SYP: variants seen among roughly 807,000 people sequenced by gnomAD.
The protein encoded by SYP is synaptophysin, also known as major synaptic vesicle protein P38.
SYP carries 2 observed loss-of-function variants against 24.3 expected under a neutral mutation model. That is an observed-to-expected ratio of 0.08 (90% CI 0.03 to 0.26). The LOEUF is 0.26. Ranked by LOEUF, SYP falls within the 10% of genes least tolerant of loss-of-function variation. The pLI is 1.00. For synonymous variants in SYP, 143 were observed against 123.2 expected, an observed-to-expected ratio of 1.16 and a Z score of -1.07; for missense variants, 216 against 266.3, an observed-to-expected ratio of 0.81 and a Z score of 1.32.
At chrX:49,198,091 G>C (rs1243327805) in intron 2 of SYP, 2 of 404,056 alleles carry the variant, frequency 4.9e-6, no homozygotes, top group African/African-American at 5.1e-5. Flanking sequence ...TTCTCTGTTT[G>C]TCTCTGTTGT....
At chrX:49,191,175 A>C in intron 6 of SYP, 1 of 415,721 alleles carries the variant, frequency 2.4e-6, no homozygotes, top group East Asian at 4.0e-5. Context: ...CTTTCCGCCG[A>C]GTTGCCCTTC....
intron 1 of SYP, chrX:49,199,317 C>T (rs1026804941): frequency 4.3e-5 from 10 of 231,575 alleles, no homozygotes; most frequent in African/African-American, 3.9e-4. Context: ...AACGTAAAGG[C>T]GAGTCGGATG....
In SYP at chrX:49,191,595, A is replaced by T; in HGVS notation, c.784T>A (p.Tyr262Asn). Reference protein sequence around the residue: ...DAGYGQGPGGYGPQDSYGPQG... With the variant: ...DAGYGQGPGGNGPQDSYGPQG... The stretch of plus-strand genomic sequence containing the variant: ...GGCCCGTAGGAATCCTGGGGCCCGT[A>T]CCCGCCGGGGCCCTGCCCGTAGCCT... The change falls in exon 6 of 7, where the codon TAC becomes AAC. Residue 262 changes from tyrosine to asparagine, a missense_variant. Physicochemically the swap from Tyr to Asn is moderately radical, Grantham distance 143. Transcript: ENST00000263233. 1 of 1,205,410 alleles carries T rather than the reference A, an allele frequency of 8.3e-7. No homozygotes were observed. Among genetic ancestry groups the T allele is most frequent in the Non-Finnish European group, 1.1e-6 (1 of 893,516 alleles).
Position 49,199,040 on chromosome X carries a change from A to G in SYP, c.37-7T>C. 8.3e-7 allele frequency: 1 copy of G among 1,210,165 alleles called. No individual in the cohort carries two copies. Reference sequence around the variant, plus strand: ...ACTGACCCCCAGCCACCAGCTGAGGAGAGAAACAGTGGGGAAGGGGTGGGG... The same window carrying G: ...ACTGACCCCCAGCCACCAGCTGAGGGGAGAAACAGTGGGGAAGGGGTGGGG... On this transcript the variant is annotated splice_polypyrimidine_tract_variant and splice_region_variant and intron_variant, in intron 1 of 6. Transcript: ENST00000263233.
chrX:49,197,619 A>G, intron 3 of SYP, 96 bp downstream of exon 3: 1 of 1,121,083 alleles, frequency 8.9e-7, no homozygotes, highest in Non-Finnish European at 1.2e-6. Flanking sequence ...TCGAGGTGGG[A>G]GCTGGGCAGG....
rs782321334 is a variant in SYP at position 49,199,141 on chromosome X, G to A, written c.37-108C>T. On this transcript the variant is annotated intron_variant, in intron 1 of 6. Coordinates refer to ENST00000263233, the MANE Select transcript of SYP (RefSeq NM_003179.3). ...AGGGGATGGAGCATGTGACCTCGGGGAGAGGGTGAGAAGGAGAAAGTGACA... is the reference window on the plus strand; with the variant it reads ...AGGGGATGGAGCATGTGACCTCGGGAAGAGGGTGAGAAGGAGAAAGTGACA... The A allele has an allele frequency of 5.2e-6, 4 of 768,114 alleles. No homozygotes were observed. The South Asian group carries it at 6.8e-5, about 13-fold the overall frequency. 63.3% of individuals were successfully genotyped at this position (768,114 alleles called of 1,213,427 possible). A position where few individuals can be genotyped will look rare whatever the true frequency, so the allele number is the denominator to read the frequency against.
chrX:49,198,877 G>T, intron 2 of SYP, 91 bp downstream of exon 2: 1 of 1,041,140 alleles, frequency 9.6e-7, no homozygotes, highest in Non-Finnish European at 1.3e-6. Context: ...CTCATCCCTG[G>T]CTACTCGCCC....
chrX:49,191,341 C>T (rs1294019836), intron 6 of SYP, 92 bp downstream of exon 6: 3 of 1,047,668 alleles, frequency 2.9e-6, no homozygotes, highest in Admixed American at 2.6e-5. Context: ...AAACGCCTTA[C>T]GTACTCTCTA....
At chrX:49,200,063 C>T (rs1376475491) in intron 1 of SYP, 88 bp downstream of exon 1, 2 of 1,100,750 alleles carry the variant, frequency 1.8e-6, no homozygotes, top group Non-Finnish European at 2.4e-6. Flanking sequence ...AGACCCTGGC[C>T]ACCACCTCCC....
chrX:49,192,411 T>C (rs1470865170), intron 5 of SYP, among the ~76,000 whole-genome samples: 1 of 112,414 alleles, frequency 8.9e-6, no homozygotes, highest in Non-Finnish European at 1.9e-5. Context: ...CAGGCTGGTC[T>C]TGAACTCCCG....
chrX:49,199,508 G>A (rs992606921), intron 1 of SYP, among the ~76,000 whole-genome samples: 18 of 106,928 alleles, frequency 1.7e-4, no homozygotes, highest in Admixed American at 5.0e-4. Context: ...ATGGGGATGG[G>A]GAAGGGTTGG....
At chrX:49,193,148 G>A (rs2065516253) in intron 5 of SYP, 124 bp downstream of exon 5, 9 of 773,704 alleles carry the variant, frequency 1.2e-5, no homozygotes, top group Middle Eastern at 8.0e-4. Flanking sequence ...TTGTTGGCAC[G>A]CGTTCTTCAG....
In SYP at chrX:49,191,615, T is replaced by TA. The variant is rs2065509348; in HGVS notation, c.763dup (p.Tyr255LeufsTer23). The TA allele has an allele frequency of 8.3e-7, 1 of 1,207,525 alleles. No individual in the cohort carries two copies. The highest frequency in any genetic ancestry group is 1.8e-5 in the South Asian group (1 of 56,649). On this transcript the variant is annotated frameshift_variant, in exon 6 of 7. Transcript: ENST00000263233. LOFTEE classifies it high-confidence loss of function. ...CCCGTACCCGCCGGGGCCCTGCCCG[T>TA]AGCCTGCATCGCCGTAGGCGTCCCC...
Position 49,200,147 on chromosome X carries a change from G to A in SYP, c.36+4C>T. On this transcript the variant is annotated splice_donor_region_variant and intron_variant, in intron 1 of 6. Coordinates refer to ENST00000263233, the MANE Select transcript of SYP (RefSeq NM_003179.3). Reference sequence around the variant, plus strand: ...GGCTCTGTCCACGGTGCTGGAGCGCGTACCTGATTCACCACGTCCATGTCC... The same window carrying A: ...GGCTCTGTCCACGGTGCTGGAGCGCATACCTGATTCACCACGTCCATGTCC... 1 of 1,165,757 alleles carries A rather than the reference G, an allele frequency of 8.6e-7. No individual in the cohort carries two copies. The highest frequency in any genetic ancestry group is 1.1e-6 in the Non-Finnish European group (1 of 872,101).
intron 3 of SYP, among the ~76,000 whole-genome samples, chrX:49,195,422 A>C (rs2065525470): frequency 1.8e-5 from 2 of 110,755 alleles, no homozygotes; most frequent in Non-Finnish European, 3.8e-5. Flanking sequence ...TTTTCTCCCT[A>C]TCTCATGTTG....
At chrX:49,193,696 G>T (rs1431893730) in intron 4 of SYP, among the ~76,000 whole-genome samples, 1 of 112,729 alleles carries the variant, frequency 8.9e-6, no homozygotes, top group Non-Finnish European at 1.9e-5. Context: ...GTGGGTGTTG[G>T]GGGGAGGGGA....
At chrX:49,191,412 C>T (rs1486385786) in intron 6 of SYP, 21 bp downstream of exon 6, 1 of 1,204,923 alleles carries the variant, frequency 8.3e-7, no homozygotes, top group Non-Finnish European at 1.1e-6. Flanking sequence ...TCCTTGGCCG[C>T]ACCGCTCGCC....
intron 2 of SYP, 168 bp from the exon 3 acceptor site, chrX:49,198,007 A>G: frequency 3.5e-6 from 2 of 578,886 alleles, no homozygotes; most frequent in Non-Finnish European, 5.6e-6. Context: ...GCTGATTACA[A>G]GGGTATGGCT....
At chrX:49,189,364 T>C (rs2065498546) in intron 6 of SYP, 82 bp from the exon 7 acceptor site, 1 of 109,905 alleles carries the variant, frequency 9.1e-6, no homozygotes, top group African/African-American at 3.3e-5. Flanking sequence ...GTTATGCCTT[T>C]GTCCTGGCTT....
Sources: gnomAD v4.1 joint callset for allele counts (sites outside exome capture counted in the v4.1 genomes callset) on GRCh38, gnomAD v4.1.1 for gene constraint, MANE v1.5 for transcripts, NCBI Gene and HGNC (gene_info 2026-07-23, HGNC 2026-07-21) for gene names.